Variants in BBX observed in about 807,000 individuals in gnomAD.
The protein encoded by BBX is HMG box transcription factor BBX.
A neutral mutation model predicts 100.2 loss-of-function variants in BBX; 30 were observed. The ratio of observed to expected loss-of-function variants is 0.30; its 90% CI spans 0.22 to 0.41. The LOEUF (loss-of-function observed/expected upper bound fraction) is 0.41, where lower values mean the gene tolerates loss of function less well. Among genes scored for constraint, BBX ranks in the 10% least tolerant of loss-of-function variants. The pLI, the probability that BBX is intolerant of heterozygous loss-of-function variation, is 1.00. For missense variants in BBX, 1,023 were observed against 1,129.8 expected, an observed-to-expected ratio of 0.91 and a Z score of 1.35; for synonymous variants, 376 against 388.1, an observed-to-expected ratio of 0.97 and a Z score of 0.37.
chr3:107,746,158 T>C (rs966992423), intron 8 of BBX, among the ~76,000 whole-genome samples: 1 of 152,226 alleles, frequency 6.6e-6, no homozygotes, highest in Non-Finnish European at 1.5e-5. Flanking sequence ...AGGAATATAT[T>C]GTATTTAGGT....
chr3:107,638,018 A>T (rs771630614), intron 2 of BBX, among the ~76,000 whole-genome samples: 2 of 152,146 alleles, frequency 1.3e-5, no homozygotes, highest in East Asian at 3.9e-4. Flanking sequence ...GGCTCAAGCC[A>T]TCCTCCCACC....
rs1289061208 is a variant in BBX, at chr3:107,806,131, A to T, written c.*674A>T. The T allele has an allele frequency of 6.7e-6, 1 of 148,926 alleles. No homozygotes were observed. The highest frequency in any genetic ancestry group is 2.1e-4 in the South Asian group (1 of 4,752). 9.2% of individuals were successfully genotyped at this position (148,926 alleles called of 1,614,324 possible). A position where few individuals can be genotyped will look rare whatever the true frequency, so the allele number is the denominator to read the frequency against. Reference sequence around the variant, plus strand: ...GTTTGCTGGCAAAAAAAAAAAAAAAAGAGAGAGAGAAAAAATTACAACTCT... The same window carrying T: ...GTTTGCTGGCAAAAAAAAAAAAAAATGAGAGAGAGAAAAAATTACAACTCT... On this transcript the variant is annotated 3_prime_UTR_variant, in exon 18 of 18. Transcript: ENST00000325805.
intron 2 of BBX, among the ~76,000 whole-genome samples, chr3:107,644,010 T>C (rs1279297934): frequency 1.3e-5 from 2 of 152,166 alleles, no homozygotes; most frequent in Non-Finnish European, 2.9e-5. Flanking sequence ...GGGCAAAGCA[T>C]AGCCAATCTC....
chr3:107,782,941 G>T (rs1243223698), intron 13 of BBX, among the ~76,000 whole-genome samples: 1 of 151,890 alleles, frequency 6.6e-6, no homozygotes, highest in Non-Finnish European at 1.5e-5. Flanking sequence ...AAGAACAGTT[G>T]TGAATATTTG....
At chr3:107,617,931 G>C (rs2055419861) in intron 2 of BBX, among the ~76,000 whole-genome samples, 2 of 151,862 alleles carry the variant, frequency 1.3e-5, no homozygotes, top group Admixed American at 1.3e-4. Context: ...GTGAATAAGA[G>C]TAATGAGACT....
chr3:107,725,087 G>T (rs2062820054), intron 5 of BBX, among the ~76,000 whole-genome samples: 1 of 152,150 alleles, frequency 6.6e-6, no homozygotes, highest in African/African-American at 2.4e-5. Flanking sequence ...ATTTCACTGA[G>T]CAGTGATTTG....
In BBX at chr3:107,596,473, G is replaced by A. The variant is rs528955578; in HGVS notation, c.-83-49363G>A. ...CAATTTTTTATGGGGAAGAAAGTTG[G>A]GACCCAGAGAGTTTCAGTGCCTCTC... On this transcript the variant is annotated intron_variant, in intron 2 of 17. Transcript: ENST00000325805. 9.2e-5 allele frequency among the ~76,000 whole-genome samples: 14 copies of A among 152,270 alleles called. No individual in the cohort carries two copies. The East Asian group carries it at 2.1e-3, about 23-fold the overall frequency.
chr3:107,672,332 C>G (rs925285235), intron 3 of BBX, among the ~76,000 whole-genome samples: 1 of 151,946 alleles, frequency 6.6e-6, no homozygotes, highest in Non-Finnish European at 1.5e-5. Flanking sequence ...GGAGAAAGGT[C>G]CTGGCTATTT....
chr3:107,567,542 A>G (rs2051011934), intron 2 of BBX, among the ~76,000 whole-genome samples: 1 of 151,976 alleles, frequency 6.6e-6, no homozygotes, highest in Admixed American at 6.5e-5. Flanking sequence ...TTTTTTGTCT[A>G]TTGTGATACT....
intron 2 of BBX, among the ~76,000 whole-genome samples, chr3:107,625,651 GGTTTT>G (rs2056115161): frequency 6.6e-6 from 1 of 152,018 alleles, no homozygotes; most frequent in Non-Finnish European, 1.5e-5. Context: ...CAGAAACTCT[GGTTTT>G]GTTTTGTAGT....
rs532389437 is a variant in BBX, at chr3:107,747,895, T to C, written c.751-70T>C. 3 of 1,321,812 alleles carry C rather than the reference T, an allele frequency of 2.3e-6. No homozygotes were observed. In the East Asian group the frequency reaches 7.0e-5, roughly 31 times the overall value. 81.9% of individuals were successfully genotyped at this position (1,321,812 alleles called of 1,614,324 possible). A position where few individuals can be genotyped will look rare whatever the true frequency, so the allele number is the denominator to read the frequency against. ...TTATCAGTGTCTACAGTTGAAAATA[T>C]ATGGCAGAATCTTATGATCTGATGT... On this transcript the variant is annotated intron_variant, in intron 8 of 17. Coordinates refer to ENST00000325805, the MANE Select transcript of BBX (RefSeq NM_001142568.3).
At chr3:107,525,973 G>A (rs747788584) in intron 1 of BBX, among the ~76,000 whole-genome samples, 3 of 152,238 alleles carry the variant, frequency 2.0e-5, no homozygotes, top group African/African-American at 4.8e-5. Context: ...TTGTCCTGGG[G>A]GCGGTGATCA....
Position 107,583,929 on chromosome 3 carries a change from A to ATATATATAT in BBX, c.-84+57544_-84+57552dup. ...AAGTATAAATTATACTTTATATATA[A>ATATATATAT]TATATATATTATATATATTATTATA... On this transcript the variant is annotated intron_variant, in intron 2 of 17. Transcript: ENST00000325805. Among the ~76,000 whole-genome samples, 3 of 80,606 alleles carry ATATATATAT rather than the reference A, an allele frequency of 3.7e-5. 1 individual carries two copies. In the South Asian group the frequency reaches 1.1e-3, roughly 29 times the overall value. The allele number at this position is 80,606 out of a possible 152,430, so 52.9% of individuals were successfully genotyped here.
chr3:107,524,375 C>A (rs1466759516), intron 1 of BBX: 1 of 152,016 alleles, frequency 6.6e-6, no homozygotes, highest in East Asian at 1.9e-4. Flanking sequence ...GGTTTCTTTT[C>A]CTCCTCCACC....
Position 107,805,748 on chromosome 3 carries a change from G to A in BBX, c.*291G>A. ...TTTGACGGTAATAGGTGGTAACTTG[G>A]TAAAAGGCTGCCTTTACTGTAGCTC... On this transcript the variant is annotated 3_prime_UTR_variant, in exon 18 of 18. Transcript: ENST00000325805. 2.4e-6 allele frequency: 1 copy of A among 415,144 alleles called. No individual in the cohort carries two copies. The highest frequency in any genetic ancestry group is 4.2e-6 in the Non-Finnish European group (1 of 237,954). The allele number at this position is 415,144 out of a possible 1,614,324, so 25.7% of individuals were successfully genotyped here.
chr3:107,702,049 A>G (rs1274920025), intron 3 of BBX, among the ~76,000 whole-genome samples: 1 of 152,242 alleles, frequency 6.6e-6, no homozygotes. Context: ...ATAAAAGTAA[A>G]GAACAAGTGA....
chr3:107,603,891 A>G (rs895510039), intron 2 of BBX, among the ~76,000 whole-genome samples: 6 of 152,096 alleles, frequency 3.9e-5, no homozygotes, highest in Admixed American at 3.9e-4. Context: ...CTTGCTTAAT[A>G]TAGTACAGTA....
chr3:107,654,939 G>A (rs1410159657), intron 3 of BBX, among the ~76,000 whole-genome samples: 3 of 152,136 alleles, frequency 2.0e-5, no homozygotes, highest in Non-Finnish European at 2.9e-5. Flanking sequence ...TCTTAAAATA[G>A]GCAGCAAGTA....
At chr3:107,704,904 T>C (rs957256741) in intron 3 of BBX, among the ~76,000 whole-genome samples, 1 of 152,066 alleles carries the variant, frequency 6.6e-6, no homozygotes, top group Non-Finnish European at 1.5e-5. Flanking sequence ...AAAGAAGAGA[T>C]ATTTGACCCG....
Sources: gnomAD v4.1 joint callset for allele counts (sites outside exome capture counted in the v4.1 genomes callset) on GRCh38, gnomAD v4.1.1 for gene constraint, MANE v1.5 for transcripts, NCBI Gene and HGNC (gene_info 2026-07-23, HGNC 2026-07-21) for gene names.